Variants in ARAF observed in about 807,000 individuals in gnomAD.
ARAF encodes the protein A-Raf proto-oncogene, serine/threonine kinase, also known as serine/threonine-protein kinase A-Raf.
A neutral mutation model predicts 48.0 loss-of-function variants in ARAF; 18 were observed. That is an observed-to-expected ratio of 0.37 (90% CI 0.26 to 0.56). The LOEUF is 0.56. ARAF is among the 20% of genes least tolerant of loss of function. ARAF has a pLI of 0.77. For missense variants in ARAF, 389 were observed against 543.1 expected, an observed-to-expected ratio of 0.72 and a Z score of 2.82; for synonymous variants, 207 against 220.1, an observed-to-expected ratio of 0.94 and a Z score of 0.53.
At chrX:47,564,225 A>G (rs2057722414) in intron 3 of ARAF, among the ~76,000 whole-genome samples, 1 of 111,210 alleles carries the variant, frequency 9.0e-6, no homozygotes, top group African/African-American at 3.3e-5. Flanking sequence ...AAGGTCAGCA[A>G]CTCATTCTCC....
At chrX:47,562,211 C>T (rs1407339574) in intron 1 of ARAF, among the ~76,000 whole-genome samples, 2 of 110,519 alleles carry the variant, frequency 1.8e-5, no homozygotes, top group African/African-American at 6.6e-5. Flanking sequence ...TGGCATTTCC[C>T]CCGTTCTCTG....
At position 47,565,280 on chromosome X, in the gene ARAF, G is replaced by A. The variant is rs775921012; in HGVS notation, c.487G>A (p.Gly163Arg). The A allele has an allele frequency of 3.1e-5, 37 of 1,209,684 alleles. No homozygotes were observed. The highest frequency in any genetic ancestry group is 3.8e-5 in the Non-Finnish European group (34 of 895,127). Residue 163 changes from glycine to arginine, a missense_variant, in exon 6 of 16, where the codon GGA becomes AGA. Gly to Arg is a moderately radical substitution (Grantham distance 125). Around this residue, in one of 4 missense-constraint regions of ARAF, gnomAD observed 154 missense variants for 133.6 expected, o/e 1.15. Coordinates refer to ENST00000377045, the MANE Select transcript of ARAF (RefSeq NM_001654.5). ...QFYHSVQDLSGGSRQHEAPSN... is the reference protein window; with the variant it reads ...QFYHSVQDLSRGSRQHEAPSN... The stretch of plus-strand genomic sequence containing the variant: ...CTACCACAGTGTCCAGGATTTGTCC[G>A]GAGGCTCCAGACAGCATGAGGCTCC...
Position 47,569,959 on chromosome X carries a change from G to A in ARAF, c.1486G>A (p.Gly496Arg). The A allele has an allele frequency of 8.3e-7, 1 of 1,205,681 alleles. No homozygotes were observed. The highest frequency in any genetic ancestry group is 1.1e-6 in the Non-Finnish European group (1 of 892,768). ...YSFQSDVYAY[G>R]VVLYELMTGS... ...CTTCCAGTCAGACGTCTATGCCTAC[G>A]GGGTTGTGCTCTACGAGCTTATGAC... is the stretch of plus-strand genomic sequence containing the variant. Residue 496 changes from glycine (G) to arginine (R), a missense_variant, in exon 14 of 16, where the codon GGG becomes AGG. This residue lies in a region of ARAF where 170 missense variants were observed against 281.4 expected (regional missense o/e 0.60). Transcript: ENST00000377045.
chrX:47,563,114 C>G (rs769230579), intron 2 of ARAF, 51 bp downstream of exon 2: 2 of 1,155,645 alleles, frequency 1.7e-6, no homozygotes, highest in East Asian at 3.1e-5. Flanking sequence ...CCAGTTGTAA[C>G]TCTGGGATCA....
intron 6 of ARAF, chrX:47,565,946 CATAAA>C (rs756320682): frequency 6.5e-6 from 1 of 153,714 alleles, no homozygotes; most frequent in South Asian, 2.9e-4. Context: ...TTATATGATA[CATAAA>C]ATAAAGTTAG....
chrX:47,563,943 G>A (rs1170819963), intron 3 of ARAF, among the ~76,000 whole-genome samples: 2 of 112,171 alleles, frequency 1.8e-5, no homozygotes, highest in East Asian at 2.8e-4. Context: ...GGGCGGTAGC[G>A]TAGACAGTGT....
At chrX:47,569,353 T>C in intron 12 of ARAF, 186 bp from the exon 13 acceptor site, 1 of 474,515 alleles carries the variant, frequency 2.1e-6, no homozygotes, top group South Asian at 3.2e-5. Flanking sequence ...ACAGCGGGGC[T>C]GAGTGTGGGG....
At chrX:47,565,589 G>A in intron 6 of ARAF, 3 of 392,693 alleles carry the variant, frequency 7.6e-6, no homozygotes, top group Non-Finnish European at 1.2e-5. Context: ...TTCTGGTGAG[G>A]CTTAAATGAG....
Position 47,570,030 on chromosome X carries a change from C to A in ARAF, c.1551+6C>A. ...ACATTGGCTGCCGTGACCAGGTGAG[C>A]CCCACACCTTACCCACAGTTCCCTG... On this transcript the variant is annotated splice_donor_region_variant and intron_variant, in intron 14 of 15. Transcript: ENST00000377045. The A allele has an allele frequency of 8.3e-7, 1 of 1,204,610 alleles. No homozygotes were observed.
intron 6 of ARAF, 55 bp from the exon 7 acceptor site, chrX:47,566,584 G>A (rs1470803199): frequency 1.8e-6 from 2 of 1,106,053 alleles, no homozygotes; most frequent in African/African-American, 1.9e-5. Context: ...TGGGGTGGGG[G>A]GCTTTCTCGG....
At chrX:47,561,469 G>T (rs2057707732) in intron 1 of ARAF, among the ~76,000 whole-genome samples, 2 of 111,944 alleles carry the variant, frequency 1.8e-5, no homozygotes, top group Non-Finnish European at 3.8e-5. Flanking sequence ...TGATGGTTTC[G>T]CCCGCTGCTA....
chrX:47,569,035 T>C lies in ARAF; in HGVS notation c.1300+2T>C. The C allele has an allele frequency of 8.4e-7, 1 of 1,196,253 alleles. No individual in the cohort carries two copies. Among genetic ancestry groups the C allele is most frequent in the Non-Finnish European group, 1.1e-6 (1 of 887,907 alleles). Reference sequence around the variant, plus strand: ...TCCACCGAGATCTCAAGTCTAACAGTATCTATCTGTCCCTGGGCTGGGGTT... The same window carrying C: ...TCCACCGAGATCTCAAGTCTAACAGCATCTATCTGTCCCTGGGCTGGGGTT... On this transcript the variant is annotated splice_donor_variant, in intron 12 of 15. Transcript: ENST00000377045. LOFTEE classifies it high-confidence loss of function.
At chrX:47,568,339 AG>A (rs1216683725) in intron 10 of ARAF, among the ~76,000 whole-genome samples, 1 of 110,671 alleles carries the variant, frequency 9.0e-6, no homozygotes, top group Non-Finnish European at 1.9e-5. Flanking sequence ...TCAGTGAGGA[AG>A]GTTGGCATTC....
intron 6 of ARAF, 78 bp downstream of exon 6, chrX:47,565,428 T>TTA (rs1335617388): frequency 1.8e-5 from 21 of 1,145,856 alleles, no homozygotes; most frequent in Non-Finnish European, 2.2e-5. Context: ...CCATACTTTA[T>TTA]TCATTTGTTT....
intron 1 of ARAF, among the ~76,000 whole-genome samples, chrX:47,562,281 C>G (rs1239841388): frequency 2.7e-5 from 3 of 109,242 alleles, no homozygotes; most frequent in Non-Finnish European, 3.8e-5. Flanking sequence ...GTCAGGAGTT[C>G]GAGACCAGCC....
At chrX:47,565,923 ACAT>A in intron 6 of ARAF, 1 of 162,828 alleles carries the variant, frequency 6.1e-6, no homozygotes, top group Non-Finnish European at 1.0e-5. Context: ...ATAATGTAGA[ACAT>A]CATACATGTT....
rs967551882 is a variant in ARAF, at chrX:47,563,164, T to TGG, written c.97-60_97-59dup. The TGG allele has an allele frequency of 2.6e-6, 3 of 1,156,934 alleles. No individual in the cohort carries two copies. In the African/African-American group the frequency reaches 5.3e-5, roughly 21 times the overall value. ...GTTGGGGGAGGCCTTTGCAGAAGGATGGGAACATCAGCTGCGCTTCTGTTG... is the reference window on the plus strand; with the variant it reads ...GTTGGGGGAGGCCTTTGCAGAAGGATGGGGGAACATCAGCTGCGCTTCTGTTG... On this transcript the variant is annotated intron_variant, in intron 2 of 15. Coordinates refer to ENST00000377045, the MANE Select transcript of ARAF (RefSeq NM_001654.5).
rs376147525 is a variant in ARAF, at chrX:47,570,043, C to T, written c.1551+19C>T. On this transcript the variant is annotated intron_variant, in intron 14 of 15. Transcript: ENST00000377045. The stretch of plus-strand genomic sequence containing the variant: ...TGACCAGGTGAGCCCCACACCTTAC[C>T]CACAGTTCCCTGGGCTGAGGGATCC... 3.3e-6 allele frequency: 4 copies of T among 1,202,091 alleles called. No individual in the cohort carries two copies. The highest frequency in any genetic ancestry group is 4.5e-6 in the Non-Finnish European group (4 of 891,896).
intron 6 of ARAF, chrX:47,565,655 T>C: frequency 6.3e-6 from 1 of 159,374 alleles, no homozygotes; most frequent in East Asian, 1.4e-4. Flanking sequence ...TAATCAATTT[T>C]TTTGTTATTA....
Sources: gnomAD v4.1 joint callset for allele counts (sites outside exome capture counted in the v4.1 genomes callset) on GRCh38, gnomAD v4.1.1 for gene constraint, gnomAD v4.1.1 regional missense constraint, MANE v1.5 for transcripts, NCBI Gene and HGNC (gene_info 2026-07-23, HGNC 2026-07-21) for gene names.